Variants in NMNAT2 observed in about 807,000 individuals in gnomAD.
The protein encoded by NMNAT2 is nicotinamide nucleotide adenylyltransferase 2.
A neutral mutation model predicts 41.6 loss-of-function variants in NMNAT2; 11 were observed. The observed-to-expected ratio is 0.26, with a 90% CI of 0.17 to 0.44. The LOEUF is 0.44. NMNAT2 is among the 20% of genes least tolerant of loss of function. The pLI is 1.00. For synonymous variants in NMNAT2, 148 were observed against 151.2 expected, an observed-to-expected ratio of 0.98 and a Z score of 0.16; for missense variants, 288 against 407.7, an observed-to-expected ratio of 0.71 and a Z score of 2.53.
chr1:183,409,520 C>T (rs1468028452), intron 1 of NMNAT2, among the ~76,000 whole-genome samples: 1 of 152,030 alleles, frequency 6.6e-6, no homozygotes, highest in Non-Finnish European at 1.5e-5. Flanking sequence ...TCTCCCTATG[C>T]TGCCCAGGCT....
intron 1 of NMNAT2, among the ~76,000 whole-genome samples, chr1:183,313,763 G>T (rs2102325832): frequency 6.6e-6 from 1 of 152,360 alleles, no homozygotes; most frequent in South Asian, 2.1e-4. Context: ...AGGGATTACA[G>T]GTGTGAGCCG....
At chr1:183,415,186 T>G (rs893398344) in intron 1 of NMNAT2, among the ~76,000 whole-genome samples, 4 of 152,166 alleles carry the variant, frequency 2.6e-5, no homozygotes, top group Admixed American at 2.0e-4. Flanking sequence ...TTCACCATGT[T>G]GCCAAGTCTG....
chr1:183,390,200 G>A (rs2101921040), intron 1 of NMNAT2, among the ~76,000 whole-genome samples: 1 of 152,236 alleles, frequency 6.6e-6, no homozygotes, highest in Middle Eastern at 3.4e-3. Context: ...GAACATCAAT[G>A]TTAAAACGGC....
At chr1:183,289,728 C>A (rs1661489192) in intron 4 of NMNAT2, among the ~76,000 whole-genome samples, 1 of 152,202 alleles carries the variant, frequency 6.6e-6, no homozygotes, top group African/African-American at 2.4e-5. Context: ...GCTTGTACCT[C>A]CCCTAAGTGC....
At chr1:183,388,924 C>T (rs1648340796) in intron 1 of NMNAT2, among the ~76,000 whole-genome samples, 1 of 152,184 alleles carries the variant, frequency 6.6e-6, no homozygotes, top group African/African-American at 2.4e-5. Context: ...TTGTTCTTGC[C>T]AGCCAACCTT....
intron 1 of NMNAT2, among the ~76,000 whole-genome samples, chr1:183,409,937 C>T (rs946485113): frequency 6.6e-6 from 1 of 152,138 alleles, no homozygotes; most frequent in Non-Finnish European, 1.5e-5. Flanking sequence ...GTGGGTTGTA[C>T]AGCAATAGAA....
At chr1:183,337,807 G>C (rs912598701) in intron 1 of NMNAT2, among the ~76,000 whole-genome samples, 1 of 152,074 alleles carries the variant, frequency 6.6e-6, no homozygotes, top group Admixed American at 6.6e-5. Context: ...TTTTCCAAGG[G>C]TCTAAATGCC....
intron 1 of NMNAT2, among the ~76,000 whole-genome samples, chr1:183,330,886 C>G (rs1413532552): frequency 1.3e-5 from 2 of 152,318 alleles, no homozygotes; most frequent in East Asian, 3.9e-4. Flanking sequence ...TCCTTCAGGG[C>G]TCAGAGCTCC....
intron 1 of NMNAT2, among the ~76,000 whole-genome samples, chr1:183,328,470 G>A (rs1418077471): frequency 2.0e-5 from 3 of 152,204 alleles, no homozygotes; most frequent in Admixed American, 6.5e-5. Context: ...ATGCCCTTGG[G>A]CAATGAAACC....
chr1:183,386,787 G>A (rs931787089), intron 1 of NMNAT2, among the ~76,000 whole-genome samples: 3 of 151,910 alleles, frequency 2.0e-5, no homozygotes, highest in Non-Finnish European at 2.9e-5. Context: ...CTCATGGATC[G>A]CTAGTTATAG....
chr1:183,372,658 A>G (rs1663575567), intron 1 of NMNAT2, among the ~76,000 whole-genome samples: 1 of 152,248 alleles, frequency 6.6e-6, no homozygotes, highest in African/African-American at 2.4e-5. Flanking sequence ...TTCTGCAAAC[A>G]AAACAGCAAA....
At chr1:183,362,948 C>T (rs1663335625) in intron 1 of NMNAT2, among the ~76,000 whole-genome samples, 1 of 152,190 alleles carries the variant, frequency 6.6e-6, no homozygotes, top group South Asian at 2.1e-4. Context: ...ACATCCTCAT[C>T]AACACTTGTT....
chr1:183,416,676 A>G (rs971661093), intron 1 of NMNAT2, among the ~76,000 whole-genome samples: 1 of 152,188 alleles, frequency 6.6e-6, no homozygotes, highest in Non-Finnish European at 1.5e-5. Context: ...CCCTCCTTCT[A>G]TCGTGTAGAT....
At chr1:183,282,818 G>T (rs774124403) in intron 7 of NMNAT2, 1 of 152,138 alleles carries the variant, frequency 6.6e-6, no homozygotes, top group Non-Finnish European at 1.5e-5. Flanking sequence ...GTGACTTGCT[G>T]GTCAATAAAG....
chr1:183,353,395 C>A (rs1417967483), intron 1 of NMNAT2, among the ~76,000 whole-genome samples: 1 of 152,180 alleles, frequency 6.6e-6, no homozygotes, highest in East Asian at 1.9e-4. Flanking sequence ...TCCATTCATC[C>A]TTCTCCTTTT....
At chr1:183,384,967 G>A (rs1168918476) in intron 1 of NMNAT2, among the ~76,000 whole-genome samples, 5 of 152,060 alleles carry the variant, frequency 3.3e-5, no homozygotes, top group African/African-American at 1.2e-4. Context: ...CAGGGGTGGG[G>A]TGGGAGTTGC....
intron 1 of NMNAT2, among the ~76,000 whole-genome samples, chr1:183,413,470 ACT>A (rs1462498549): frequency 2.0e-5 from 3 of 151,936 alleles, no homozygotes; most frequent in Non-Finnish European, 4.4e-5. Flanking sequence ...TAAGCATGAG[ACT>A]CTACTATGCC....
At chr1:183,270,609 A>G (rs1337524754) in intron 8 of NMNAT2, among the ~76,000 whole-genome samples, 1 of 152,106 alleles carries the variant, frequency 6.6e-6, no homozygotes, top group Non-Finnish European at 1.5e-5. Flanking sequence ...CTGCCAACTT[A>G]ACTGGGGGTG....
At chr1:183,357,009 A>G (rs1445598007) in intron 1 of NMNAT2, among the ~76,000 whole-genome samples, 1 of 152,146 alleles carries the variant, frequency 6.6e-6, no homozygotes, top group Non-Finnish European at 1.5e-5. Context: ...TATATTATCC[A>G]TCTGCTACAG....
Sources: gnomAD v4.1 joint callset for allele counts (sites outside exome capture counted in the v4.1 genomes callset) on GRCh38, gnomAD v4.1.1 for gene constraint, MANE v1.5 for transcripts, NCBI Gene and HGNC (gene_info 2026-07-23, HGNC 2026-07-21) for gene names.